The following TMEM178B variants were observed in gnomAD, a reference collection of about 807,000 sequenced individuals.
TMEM178B encodes the protein transmembrane protein 178B.
A neutral mutation model predicts 31.0 loss-of-function variants in TMEM178B; 5 were observed. That is an observed-to-expected ratio of 0.16 (90% CI 0.08 to 0.34). TMEM178B has a LOEUF of 0.34. TMEM178B is among the 10% of genes least tolerant of loss of function. TMEM178B has a pLI of 1.00. For missense variants in TMEM178B, 275 were observed against 400.3 expected (o/e 0.69, Z 2.67); for synonymous variants, 164 against 164.0 (o/e 1.00, Z 0.00).
At chr7:141,386,527 T>C (rs1167286923) in intron 2 of TMEM178B, among the ~76,000 whole-genome samples, 1 of 152,250 alleles carries the variant, frequency 6.6e-6, no homozygotes, top group Non-Finnish European at 1.5e-5. Flanking sequence ...TACAATTTGA[T>C]GTTTTGATAC....
intron 2 of TMEM178B, among the ~76,000 whole-genome samples, chr7:141,277,221 A>G (rs1449726205): frequency 6.6e-6 from 1 of 152,222 alleles, no homozygotes; most frequent in East Asian, 1.9e-4. Flanking sequence ...TAAAACACCA[A>G]CACATTATAC....
intron 1 of TMEM178B, among the ~76,000 whole-genome samples, chr7:141,189,725 G>T (rs370603996): frequency 1.3e-5 from 2 of 152,288 alleles, no homozygotes; most frequent in East Asian, 3.9e-4. Context: ...TGACTGTGTC[G>T]GCCATTCTAA....
chr7:141,295,133 T>G (rs1461896858), intron 2 of TMEM178B, among the ~76,000 whole-genome samples: 1 of 152,214 alleles, frequency 6.6e-6, no homozygotes, highest in Admixed American at 6.5e-5. Context: ...ACTTGAAATA[T>G]GACAGATGTC....
chr7:141,095,657 G>C (rs1046784131), intron 1 of TMEM178B, among the ~76,000 whole-genome samples: 40 of 152,096 alleles, frequency 2.6e-4, no homozygotes, highest in African/African-American at 9.4e-4. Context: ...CATTTCAACA[G>C]TACTTTTATT....
chr7:141,106,211 T>C (rs545410028), intron 1 of TMEM178B, among the ~76,000 whole-genome samples: 3 of 152,298 alleles, frequency 2.0e-5, no homozygotes, highest in South Asian at 2.1e-4. Context: ...TTTTTGACAG[T>C]TCCAAAGTGC....
intron 2 of TMEM178B, among the ~76,000 whole-genome samples, chr7:141,316,663 G>T (rs11977665): frequency 0.17 from 25,738 of 152,106 alleles, 2,516 homozygotes; most frequent in Non-Finnish European, 0.22. Context: ...ACCTACTAAG[G>T]GCTGAGGACA....
At chr7:141,345,536 G>A (rs1799603970) in intron 2 of TMEM178B, among the ~76,000 whole-genome samples, 1 of 152,194 alleles carries the variant, frequency 6.6e-6, no homozygotes, top group South Asian at 2.1e-4. Flanking sequence ...CACACAGCAA[G>A]CTGTGTTGTG....
At chr7:141,273,182 G>A (rs554710857) in intron 2 of TMEM178B, among the ~76,000 whole-genome samples, 10 of 152,298 alleles carry the variant, frequency 6.6e-5, no homozygotes, top group Non-Finnish European at 1.0e-4. Context: ...AATCAAACTC[G>A]TGGAAGCAGA....
At chr7:141,319,526 T>C (rs1267175975) in intron 2 of TMEM178B, among the ~76,000 whole-genome samples, 1 of 152,194 alleles carries the variant, frequency 6.6e-6, no homozygotes, top group African/African-American at 2.4e-5. Context: ...TCCCTCATTG[T>C]GCCAAAGTGT....
chr7:141,350,078 C>A (rs905400939), intron 2 of TMEM178B, among the ~76,000 whole-genome samples: 6 of 152,044 alleles, frequency 3.9e-5, no homozygotes, highest in African/African-American at 1.5e-4. Flanking sequence ...CTCCTATATG[C>A]CTGACACTGT....
chr7:141,078,849 G>T (rs1268707192), intron 1 of TMEM178B, among the ~76,000 whole-genome samples: 1 of 152,120 alleles, frequency 6.6e-6, no homozygotes, highest in Non-Finnish European at 1.5e-5. Flanking sequence ...TTGATTTCTG[G>T]GGCAAGGAGA....
chr7:141,074,750 A>C lies in TMEM178B; in HGVS notation c.382+58A>C. 1 of 1,437,022 alleles carries C rather than the reference A, an allele frequency of 7.0e-7. No homozygotes were observed. Among genetic ancestry groups the C allele is most frequent in the East Asian group, 2.5e-5 (1 of 40,038 alleles). The allele number at this position is 1,437,022 out of a possible 1,614,324, so 89.0% of individuals were successfully genotyped here. ...AGAGCCCGGCGCCTTTAGGCCCCGCAGCCCCTCGCGTCTCCTTCCCAGGCC... is the reference window on the plus strand; with the variant it reads ...AGAGCCCGGCGCCTTTAGGCCCCGCCGCCCCTCGCGTCTCCTTCCCAGGCC... On this transcript the variant is annotated intron_variant, in intron 1 of 3. Transcript: ENST00000565468. This position sits in a 1 kb window ranked among gnomAD's most constrained non-coding sequence, Gnocchi z 5.1.
At chr7:141,274,603 T>C (rs1161712814) in intron 2 of TMEM178B, among the ~76,000 whole-genome samples, 1 of 152,240 alleles carries the variant, frequency 6.6e-6, no homozygotes, top group Non-Finnish European at 1.5e-5. Flanking sequence ...TCCACAGGTA[T>C]GGCAACCCAA....
intron 2 of TMEM178B, among the ~76,000 whole-genome samples, chr7:141,285,352 G>A (rs1489824035): frequency 6.6e-6 from 1 of 150,814 alleles, no homozygotes; most frequent in African/African-American, 2.4e-5. Context: ...TGGAGACAGG[G>A]TTTCACTGTG....
the TMEM178B span, among the ~76,000 whole-genome samples, chr7:141,502,318 G>A: frequency 7.5e-6 from 1 of 133,304 alleles, no homozygotes; most frequent in Non-Finnish European, 1.5e-5. Flanking sequence ...AAAAGAGGCC[G>A]GGGATGGTGT....
At chr7:141,104,183 C>G (rs991554454) in intron 1 of TMEM178B, among the ~76,000 whole-genome samples, 19 of 152,104 alleles carry the variant, frequency 1.2e-4, no homozygotes, top group African/African-American at 4.6e-4. Flanking sequence ...GGAGCTTCAT[C>G]CTGGGCAGCT....
chr7:141,157,271 T>C (rs1203640491), intron 1 of TMEM178B, among the ~76,000 whole-genome samples: 2 of 152,090 alleles, frequency 1.3e-5, no homozygotes, highest in African/African-American at 4.8e-5. Context: ...GGGTGAAGAA[T>C]TGGGACAGTT....
At chr7:141,425,891 G>T (rs1801306846) in intron 2 of TMEM178B, among the ~76,000 whole-genome samples, 1 of 152,134 alleles carries the variant, frequency 6.6e-6, no homozygotes, top group Admixed American at 6.5e-5. Context: ...ACCACTTCTT[G>T]TTTCCACAGA....
At chr7:141,328,377 C>T (rs1322243337) in intron 2 of TMEM178B, among the ~76,000 whole-genome samples, 2 of 152,140 alleles carry the variant, frequency 1.3e-5, no homozygotes, top group African/African-American at 2.4e-5. Context: ...TTCTCCCCAC[C>T]CTCAATCCTT....
Sources: gnomAD v4.1 joint callset for allele counts (sites outside exome capture counted in the v4.1 genomes callset) on GRCh38, gnomAD v4.1.1 for gene constraint, Gnocchi (gnomAD v3.1) non-coding constraint, MANE v1.5 for transcripts, NCBI Gene and HGNC (gene_info 2026-07-23, HGNC 2026-07-21) for gene names.